TMC7: variants seen among roughly 807,000 people sequenced by gnomAD.
TMC7 encodes the protein transmembrane channel-like protein 7.
In TMC7, 54 loss-of-function variants were observed where a neutral mutation model predicts 82.9. The observed-to-expected ratio is 0.65, with a 90% CI of 0.52 to 0.82. TMC7 has a LOEUF of 0.82. Among genes scored for constraint, TMC7 ranks in the 40% least tolerant of loss-of-function variants. The probability of loss-of-function intolerance (pLI) is 0.00; values close to 1 mark genes in which losing one functional copy is unlikely to be tolerated. For missense variants in TMC7, 820 were observed against 901.2 expected (o/e 0.91, Z 1.15); for synonymous variants, 350 against 337.9 (o/e 1.04, Z -0.39).
At chr16:18,998,691 T>G (rs1423833348) in intron 1 of TMC7, among the ~76,000 whole-genome samples, 1 of 151,284 alleles carries the variant, frequency 6.6e-6, no homozygotes, top group South Asian at 2.1e-4. Context: ...GAGGCGGAGC[T>G]TGCAGTGAGC....
intron 1 of TMC7, among the ~76,000 whole-genome samples, chr16:19,000,026 G>A (rs554327365): frequency 6.6e-6 from 1 of 152,076 alleles, no homozygotes; most frequent in Admixed American, 6.5e-5. Context: ...GCCTCCCAAA[G>A]TGCTGGGATT....
At chr16:19,015,494 T>G (rs1959637891) in intron 2 of TMC7, among the ~76,000 whole-genome samples, 1 of 152,184 alleles carries the variant, frequency 6.6e-6, no homozygotes, top group Non-Finnish European at 1.5e-5. Context: ...AAAATCCACT[T>G]ATCTGTCAGT....
chr16:19,046,284 T>A (rs978315367), intron 11 of TMC7, among the ~76,000 whole-genome samples: 1 of 152,176 alleles, frequency 6.6e-6, no homozygotes, highest in Non-Finnish European at 1.5e-5. Flanking sequence ...CTGTGCCTAT[T>A]TTCTCATCTG....
Position 19,056,609 on chromosome 16 carries a change from A to G in TMC7, c.1939A>G (p.Thr647Ala). 6.2e-7 allele frequency: 1 copy of G among 1,614,054 alleles called. No homozygotes were observed. The highest frequency in any genetic ancestry group is 8.5e-7 in the Non-Finnish European group (1 of 1,180,006). The change falls in exon 14 of 16, where the codon ACG becomes GCG. Residue 647 changes from threonine to alanine, a missense_variant. Transcript: ENST00000304381. ...CACCACCTGGGAGGTCATCCCCAAG[A>G]CGGTGAGCACCTTCCCCAGCTCGCT... ...FNTTWEVIPK[T>A]VSTFPSSLQS...
intron 9 of TMC7, among the ~76,000 whole-genome samples, chr16:19,040,916 G>T (rs1221154118): frequency 4.7e-5 from 7 of 147,716 alleles, no homozygotes; most frequent in African/African-American, 1.0e-4. Context: ...TTTGAGATGG[G>T]GTCTTACTCT....
In TMC7 at chr16:19,035,832, T is replaced by G. The variant is rs747115422; in HGVS notation, c.1005+9T>G. ...TGCGGTACGAGCTCCGAGTGAGTGCTCCTGAGTTTGTCCGTGGTGGGGTCC... is the reference window on the plus strand; with the variant it reads ...TGCGGTACGAGCTCCGAGTGAGTGCGCCTGAGTTTGTCCGTGGTGGGGTCC... On this transcript the variant is annotated intron_variant, in intron 7 of 15. Coordinates refer to ENST00000304381, the MANE Select transcript of TMC7 (RefSeq NM_024847.4). The G allele has an allele frequency of 1.9e-6, 3 of 1,562,382 alleles. No homozygotes were observed. In the Admixed American group the frequency reaches 5.6e-5, roughly 29 times the overall value.
Position 19,051,810 on chromosome 16 carries a change from T to G in TMC7, c.1865T>G (p.Ile622Arg). ...CLAIIPLTIS[I>R]SRIPSSKACG... ...GCAATAATACCTCTGACAATCAGCA[T>G]ATCACGGTAAATGTGACTTTGTTTT... The change falls in exon 13 of 16, where the codon ATA (isoleucine) becomes AGA (arginine). Residue 622 changes from isoleucine to arginine, a missense_variant. By Grantham distance (97) the Ile-to-Arg change is moderately conservative. This residue lies in a region of TMC7 where 170 missense variants were observed against 231.3 expected (regional missense o/e 0.74). Coordinates refer to ENST00000304381, the MANE Select transcript of TMC7 (RefSeq NM_024847.4). 1 of 1,614,148 alleles carries G rather than the reference T, an allele frequency of 6.2e-7. No individual in the cohort carries two copies. Among genetic ancestry groups the G allele is most frequent in the Non-Finnish European group, 8.5e-7 (1 of 1,180,028 alleles).
At chr16:19,022,507 G>T (rs902288609) in intron 4 of TMC7, among the ~76,000 whole-genome samples, 2 of 152,140 alleles carry the variant, frequency 1.3e-5, no homozygotes, top group Admixed American at 6.5e-5. Flanking sequence ...TTGTGTTGCA[G>T]TTACCTACAG....
At chr16:19,016,312 A>T in intron 2 of TMC7, 138 bp from the exon 3 acceptor site, 1 of 914,018 alleles carries the variant, frequency 1.1e-6, no homozygotes, top group Non-Finnish European at 1.6e-6. Context: ...CTGGTCTTGA[A>T]CTCCTGACCT....
intron 8 of TMC7, 59 bp downstream of exon 8, chr16:19,038,106 T>TA: frequency 6.6e-7 from 1 of 1,504,084 alleles, no homozygotes. Flanking sequence ...ATCTGTGAGG[T>TA]AGATACCATC....
At chr16:18,998,893 C>A (rs1323676002) in intron 1 of TMC7, among the ~76,000 whole-genome samples, 2 of 152,176 alleles carry the variant, frequency 1.3e-5, no homozygotes, top group African/African-American at 4.8e-5. Flanking sequence ...AGTCACCGGC[C>A]CCACCCAGGT....
chr16:19,052,829 C>T (rs1246814174), intron 13 of TMC7, among the ~76,000 whole-genome samples: 1 of 152,080 alleles, frequency 6.6e-6, no homozygotes, highest in Non-Finnish European at 1.5e-5. Context: ...TCTATGGCCT[C>T]AGCCTCCCAA....
At chr16:19,044,018 T>C (rs1296601226) in intron 9 of TMC7, among the ~76,000 whole-genome samples, 1 of 152,000 alleles carries the variant, frequency 6.6e-6, no homozygotes, top group East Asian at 1.9e-4. Flanking sequence ...TACAGGCGTG[T>C]GCCACCACAC....
At chr16:19,052,652 AAAACAAAAAAAC>A (rs1364930278) in intron 13 of TMC7, among the ~76,000 whole-genome samples, 1 of 152,210 alleles carries the variant, frequency 6.6e-6, no homozygotes, top group Admixed American at 6.5e-5. Context: ...TCTCAAATTA[AAAACAAAAAAAC>A]AAACAAAAAA....
chr16:19,044,993 C>A lies in TMC7; in HGVS notation c.1447C>A (p.Leu483Ile). ...TGACCTTTGCGGCTACAACCAGAAA[C>A]TCTACCCGGTGAGTTGCGGGGCGGG... is the stretch of plus-strand genomic sequence containing the variant. Reference protein sequence around the residue: ...TCDLCGYNQKLYPCWETQVGQ... With the variant: ...TCDLCGYNQKIYPCWETQVGQ... Residue 483 changes from leucine to isoleucine, a missense_variant, in exon 10 of 16, where the codon CTC becomes ATC. Leu to Ile is a conservative substitution (Grantham distance 5). This residue lies in a region of TMC7 where 650 missense variants were observed against 669.9 expected (regional missense o/e 0.97). Transcript: ENST00000304381. 6.2e-7 allele frequency: 1 copy of A among 1,613,666 alleles called. No homozygotes were observed. The highest frequency in any genetic ancestry group is 8.5e-7 in the Non-Finnish European group (1 of 1,179,784).
chr16:19,056,506 C>T (rs752215145), intron 13 of TMC7, 36 bp from the exon 14 acceptor site: 24 of 1,602,588 alleles, frequency 1.5e-5, no homozygotes, highest in South Asian at 6.7e-5. Flanking sequence ...CTGTGCTGCA[C>T]GCTCCTTCTG....
chr16:19,037,072 TCTTTA>T (rs1160874204), intron 7 of TMC7, among the ~76,000 whole-genome samples: 1 of 152,168 alleles, frequency 6.6e-6, no homozygotes, highest in Non-Finnish European at 1.5e-5. Context: ...GGAGGTTCTG[TCTTTA>T]CTTAGGTCTT....
At chr16:18,996,737 T>C (rs1481558026) in intron 1 of TMC7, among the ~76,000 whole-genome samples, 1 of 152,056 alleles carries the variant, frequency 6.6e-6, no homozygotes, top group East Asian at 1.9e-4. Flanking sequence ...TGGGCTGCAA[T>C]GTGGGTGAGC....
chr16:19,030,450 T>G, intron 6 of TMC7, 81 bp downstream of exon 6: 1 of 1,493,454 alleles, frequency 6.7e-7, no homozygotes, highest in Non-Finnish European at 9.0e-7. Flanking sequence ...TGGAAGCCAT[T>G]GCCTAAAGGA....
Sources: allele counts gnomAD v4.1 joint callset (sites outside exome capture counted in the v4.1 genomes callset), GRCh38; gene constraint gnomAD v4.1.1; regional missense constraint gnomAD v4.1.1; transcripts MANE v1.5; gene names NCBI Gene and HGNC (gene_info 2026-07-23, HGNC 2026-07-21).